XPR1: variants seen among roughly 807,000 people sequenced by gnomAD.
XPR1 encodes xenotropic and polytropic retrovirus receptor 1, also known as solute carrier family 53 member 1.
XPR1 carries 28 observed loss-of-function variants against 87.5 expected under a neutral mutation model. The observed-to-expected ratio is 0.32, with a 90% confidence interval of 0.24 to 0.44. XPR1 has a LOEUF of 0.44. Ranked by LOEUF, XPR1 falls within the 20% of genes least tolerant of loss-of-function variation. XPR1 has a pLI of 1.00. For missense variants in XPR1, 559 were observed against 862.3 expected, an observed-to-expected ratio of 0.65 and a Z score of 4.41; for synonymous variants, 300 against 306.1, an observed-to-expected ratio of 0.98 and a Z score of 0.21.
At chr1:180,771,048 T>G (rs1488523011) in intron 2 of XPR1, among the ~76,000 whole-genome samples, 1 of 152,206 alleles carries the variant, frequency 6.6e-6, no homozygotes, top group Non-Finnish European at 1.5e-5. Flanking sequence ...TTCTTCTAAT[T>G]ACTTCTTTAC....
chr1:180,745,220 C>T (rs1482232200), intron 2 of XPR1, among the ~76,000 whole-genome samples: 2 of 152,078 alleles, frequency 1.3e-5, no homozygotes, highest in Non-Finnish European at 1.5e-5. Context: ...TGAAGTGTCC[C>T]TTTTCTGTTC....
chr1:180,742,331 T>C (rs1557984580), intron 2 of XPR1, among the ~76,000 whole-genome samples: 1 of 152,200 alleles, frequency 6.6e-6, no homozygotes, highest in Admixed American at 6.5e-5. Context: ...TGATAGGTTG[T>C]ATTTTTATTA....
At chr1:180,641,623 G>A (rs1194207944) in intron 1 of XPR1, among the ~76,000 whole-genome samples, 1 of 152,144 alleles carries the variant, frequency 6.6e-6, no homozygotes, top group Non-Finnish European at 1.5e-5. Context: ...AAGTATGTCT[G>A]AATGGCTTAA....
intron 7 of XPR1, among the ~76,000 whole-genome samples, chr1:180,818,662 T>C (rs1403426020): frequency 6.6e-6 from 1 of 152,168 alleles, no homozygotes; most frequent in Non-Finnish European, 1.5e-5. Context: ...ATCTTTTATT[T>C]TTGGGACTCA....
intron 2 of XPR1, among the ~76,000 whole-genome samples, chr1:180,761,804 A>G (rs553615627): frequency 4.6e-5 from 7 of 152,184 alleles, no homozygotes; most frequent in Admixed American, 1.3e-4. Flanking sequence ...TCATGCTGCT[A>G]TAAAGACACA....
chr1:180,831,416 CT>C (rs1165466448), intron 9 of XPR1, among the ~76,000 whole-genome samples: 37 of 87,176 alleles, frequency 4.2e-4, no homozygotes, highest in Admixed American at 3.6e-3. Context: ...TTTATATATA[CT>C]TTAAGTTCTG....
intron 2 of XPR1, among the ~76,000 whole-genome samples, chr1:180,739,438 G>T (rs1658847541): frequency 1.3e-5 from 2 of 151,814 alleles, no homozygotes. Context: ...ATAAAATTTA[G>T]ACTCCGTTTG....
intron 1 of XPR1, among the ~76,000 whole-genome samples, chr1:180,679,867 G>T (rs1427400851): frequency 6.6e-6 from 1 of 151,962 alleles, no homozygotes; most frequent in Non-Finnish European, 1.5e-5. Flanking sequence ...AAAATCACAG[G>T]CAACAAAAGA....
chr1:180,749,743 A>G (rs1369792179), intron 2 of XPR1, among the ~76,000 whole-genome samples: 1 of 151,960 alleles, frequency 6.6e-6, no homozygotes, highest in East Asian at 1.9e-4. Context: ...CATTCATTAA[A>G]TACTGCTTTC....
At chr1:180,713,446 T>A (rs1213090673) in intron 2 of XPR1, among the ~76,000 whole-genome samples, 1 of 152,228 alleles carries the variant, frequency 6.6e-6, no homozygotes, top group African/African-American at 2.4e-5. Context: ...GAAGACAGTT[T>A]TACTTCTACC....
chr1:180,802,303 A>C (rs955128264), intron 3 of XPR1, among the ~76,000 whole-genome samples: 1 of 152,214 alleles, frequency 6.6e-6, no homozygotes, highest in Non-Finnish European at 1.5e-5. Flanking sequence ...AGAAAAATAC[A>C]GAGTATTATT....
chr1:180,810,598 C>T (rs1650171444), intron 6 of XPR1, among the ~76,000 whole-genome samples: 1 of 151,806 alleles, frequency 6.6e-6, no homozygotes, highest in Admixed American at 6.6e-5. Context: ...AAAAATGCTA[C>T]CTCAGTATAA....
At chr1:180,723,413 G>A (rs190961937) in intron 2 of XPR1, among the ~76,000 whole-genome samples, 2 of 152,142 alleles carry the variant, frequency 1.3e-5, no homozygotes, top group African/African-American at 4.8e-5. Flanking sequence ...GCCATAAAAG[G>A]TACCAAATCA....
intron 2 of XPR1, among the ~76,000 whole-genome samples, chr1:180,735,573 A>G (rs1222584793): frequency 6.6e-6 from 1 of 152,124 alleles, no homozygotes; most frequent in African/African-American, 2.4e-5. Context: ...TTATTGATTA[A>G]ATAGTGAAAG....
chr1:180,837,680 A>G (rs964246439), intron 11 of XPR1, among the ~76,000 whole-genome samples: 1 of 152,166 alleles, frequency 6.6e-6, no homozygotes, highest in African/African-American at 2.4e-5. Context: ...AATGTAGCCA[A>G]TAATTTTACC....
intron 11 of XPR1, among the ~76,000 whole-genome samples, chr1:180,842,120 T>C (rs1651536660): frequency 6.6e-6 from 1 of 152,236 alleles, no homozygotes; most frequent in African/African-American, 2.4e-5. Flanking sequence ...TAGATACTTT[T>C]CTATGAAATG....
intron 1 of XPR1, among the ~76,000 whole-genome samples, chr1:180,681,629 G>C (rs1656581225): frequency 6.6e-6 from 1 of 152,166 alleles, no homozygotes; most frequent in Admixed American, 6.5e-5. Flanking sequence ...CTGGGCGACA[G>C]AGCAAGACTA....
intron 9 of XPR1, among the ~76,000 whole-genome samples, chr1:180,829,227 GATGTTAAC>G (rs1414528948): frequency 6.6e-6 from 1 of 152,264 alleles, no homozygotes; most frequent in East Asian, 1.9e-4. Context: ...CTTAAAAGAG[GATGTTAAC>G]ATGTTCTTTG....
chr1:180,726,753 C>T (rs539069228), intron 2 of XPR1, among the ~76,000 whole-genome samples: 3 of 152,210 alleles, frequency 2.0e-5, no homozygotes, highest in Middle Eastern at 3.4e-3. Context: ...CCACTCTTCT[C>T]ACCATTTTGG....
Sources: allele counts gnomAD v4.1 joint callset (sites outside exome capture counted in the v4.1 genomes callset), GRCh38; gene constraint gnomAD v4.1.1; transcripts MANE v1.5; gene names NCBI Gene and HGNC (gene_info 2026-07-23, HGNC 2026-07-21).